The following GCA variants were observed in gnomAD, a reference collection of about 807,000 sequenced individuals.
The protein encoded by GCA is grancalcin, also known as grancalcin, EF-hand calcium-binding protein.
In GCA, 30 loss-of-function variants were observed where a neutral mutation model predicts 32.6. That is an observed-to-expected ratio of 0.92 (90% CI 0.69 to 1.25). The LOEUF is 1.25. Among genes scored for constraint, GCA ranks in the 50% most tolerant of loss-of-function variants. The pLI is 0.00. For missense variants in GCA, 291 were observed against 266.8 expected (o/e 1.09, Z -0.63); for synonymous variants, 102 against 84.6 (o/e 1.21, Z -1.13).
downstream of GCA, chr2:162,371,942 T>C: frequency 6.2e-7 from 1 of 1,613,966 alleles, no homozygotes; most frequent in East Asian, 2.2e-5. Flanking sequence ...ACGTAAGTTT[T>C]TCTTTGCCGC....
intron 4 of GCA, among the ~76,000 whole-genome samples, chr2:162,368,702 C>G (rs998335257): frequency 2.6e-5 from 4 of 152,032 alleles, no homozygotes; most frequent in African/African-American, 7.2e-5. Flanking sequence ...ACTTCCCATA[C>G]TTCCTGACTA....
chr2:162,333,161 A>T lies in GCA; in HGVS notation c.-31+13936A>T, dbSNP rs183343921. Among the ~76,000 whole-genome samples, 27 of 152,224 alleles carry T rather than the reference A, an allele frequency of 1.8e-4. 1 individual carries two copies. The highest frequency in any genetic ancestry group is 1.3e-3 in the Admixed American group (20 of 15,286). On this transcript the variant is annotated intron_variant, in intron 1 of 4. Transcript: ENST00000429691. ...TTTTCATAGAATCAAATGCTAAAAA[A>T]GTTGAGCAAGTTCTGGAACCTGTAT...
downstream of GCA, chr2:162,371,871 A>T (rs1685960093): frequency 6.2e-7 from 1 of 1,613,262 alleles, no homozygotes; most frequent in Non-Finnish European, 8.5e-7. Context: ...GCCTATGAAG[A>T]CCCACGATTC....
chr2:162,326,870 A>G (rs1274743277), intron 1 of GCA, among the ~76,000 whole-genome samples: 4 of 152,108 alleles, frequency 2.6e-5, no homozygotes, highest in African/African-American at 4.8e-5. Flanking sequence ...AGAGAAAGCA[A>G]GCGTCCTCCC....
At chr2:162,348,786 T>A (rs1684840461) in intron 2 of GCA, among the ~76,000 whole-genome samples, 1 of 152,094 alleles carries the variant, frequency 6.6e-6, no homozygotes, top group African/African-American at 2.4e-5. Context: ...TTATATATAT[T>A]TTTCATGTGA....
At chr2:162,356,378 A>G in intron 3 of GCA, 60 bp from the exon 4 acceptor site, 2 of 928,116 alleles carry the variant, frequency 2.2e-6, no homozygotes. Context: ...GGAGATTGTC[A>G]TAATTTTACA....
downstream of GCA, among the ~76,000 whole-genome samples, chr2:162,364,516 A>G (rs573498928): frequency 6.6e-6 from 1 of 151,610 alleles, no homozygotes; most frequent in South Asian, 2.1e-4. Context: ...GTAGATACCA[A>G]TACAATTTTT....
At chr2:162,348,860 T>C (rs1384380862) in intron 2 of GCA, among the ~76,000 whole-genome samples, 1 of 152,116 alleles carries the variant, frequency 6.6e-6, no homozygotes, top group African/African-American at 2.4e-5. Flanking sequence ...TTATTAGTTG[T>C]ATTTGACAGA....
Position 162,362,233 on chromosome 2 carries a change from T to TA in GCA, c.*1990_*1991insA. 1 of 984,590 alleles carries TA rather than the reference T, an allele frequency of 1.0e-6. No individual in the cohort carries two copies. Among genetic ancestry groups the TA allele is most frequent in the Non-Finnish European group, 1.2e-6 (1 of 829,456 alleles). The allele number at this position is 984,590 out of a possible 1,614,324, so 61.0% of individuals were successfully genotyped here. On this transcript the variant is annotated 3_prime_UTR_variant, in exon 8 of 8. Transcript: ENST00000437150. ...TTTAATTTTATTTGACCCAGTTTTT[T>TA]CCAAACTTTTTGACCACAGAACCCC...
chr2:162,339,851 A>G (rs1399928049), upstream of GCA, among the ~76,000 whole-genome samples: 1 of 152,210 alleles, frequency 6.6e-6, no homozygotes, highest in African/African-American at 2.4e-5. Context: ...TGTTTAAGCC[A>G]CACAGCCTAT....
At position 162,361,817 on chromosome 2, in the gene GCA, A is replaced by G. The variant is rs1685583241; in HGVS notation, c.*1574A>G. 1.0e-6 allele frequency: 1 copy of G among 984,358 alleles called. No homozygotes were observed. Among genetic ancestry groups the G allele is most frequent in the South Asian group, 4.7e-5 (1 of 21,282 alleles). 61.0% of individuals were successfully genotyped at this position (984,358 alleles called of 1,614,324 possible). A position where few individuals can be genotyped will look rare whatever the true frequency, so the allele number is the denominator to read the frequency against. ...GAATTCTAATTAGAAGTGTTGTAGG[A>G]AAAAGCAAATGTGAAAACACTAAGT... On this transcript the variant is annotated 3_prime_UTR_variant, in exon 8 of 8. Coordinates refer to ENST00000437150, the MANE Select transcript of GCA (RefSeq NM_012198.5).
At chr2:162,349,630 G>A (rs1230119548) in intron 2 of GCA, among the ~76,000 whole-genome samples, 1 of 150,768 alleles carries the variant, frequency 6.6e-6, no homozygotes, top group East Asian at 2.0e-4. Flanking sequence ...CTGGGGGCCA[G>A]AGAGGATTTG....
chr2:162,371,474 C>T (rs750349059), exon 5 of GCA: 5 of 1,251,642 alleles, frequency 4.0e-6, no homozygotes, highest in South Asian at 1.3e-5. Flanking sequence ...TTCTTATTTG[C>T]GTGGAAGGCA....
chr2:162,372,646 C>G (rs533250569), downstream of GCA, among the ~76,000 whole-genome samples: 3 of 152,076 alleles, frequency 2.0e-5, no homozygotes, highest in Non-Finnish European at 4.4e-5. Context: ...ATTACCTTCT[C>G]TTATTAGTGT....
At chr2:162,333,582 G>A (rs1238276538) in intron 1 of GCA, among the ~76,000 whole-genome samples, 1 of 152,088 alleles carries the variant, frequency 6.6e-6, no homozygotes, top group Non-Finnish European at 1.5e-5. Flanking sequence ...CTGAAAGGCA[G>A]TAAGAGTCTC....
chr2:162,328,098 T>A (rs936340775), intron 1 of GCA, among the ~76,000 whole-genome samples: 2 of 151,628 alleles, frequency 1.3e-5, no homozygotes, highest in Non-Finnish European at 2.9e-5. Context: ...TCCCTCAGCT[T>A]GCAAGGAGGT....
Position 162,359,559 on chromosome 2 carries a change from A to T in GCA, c.627+7A>T, listed in dbSNP as rs201922635. On this transcript the variant is annotated splice_region_variant and intron_variant, in intron 7 of 7. Coordinates refer to ENST00000437150, the MANE Select transcript of GCA (RefSeq NM_012198.5). ...GAATTTCATATATGACGATGTGAGT[A>T]TCCTGCTTTTGATATTTATACTGCA... 55 of 1,480,852 alleles carry T rather than the reference A, an allele frequency of 3.7e-5. 1 individual carries two copies. In the Admixed American group the frequency reaches 8.0e-4, roughly 22 times the overall value. 91.7% of individuals were successfully genotyped at this position (1,480,852 alleles called of 1,614,324 possible).
At chr2:162,326,020 A>T (rs1683863924) in intron 1 of GCA, among the ~76,000 whole-genome samples, 1 of 152,040 alleles carries the variant, frequency 6.6e-6, no homozygotes, top group Non-Finnish European at 1.5e-5. Flanking sequence ...CTGAAACTGG[A>T]TGGGGAGGTC....
At chr2:162,322,129 C>T (rs1009708307) in intron 1 of GCA, among the ~76,000 whole-genome samples, 3 of 149,770 alleles carry the variant, frequency 2.0e-5, no homozygotes, top group Non-Finnish European at 3.0e-5. Flanking sequence ...TTCACTAAAT[C>T]TTGATAATAA....
Sources: gnomAD v4.1 joint callset for allele counts (sites outside exome capture counted in the v4.1 genomes callset) on GRCh38, gnomAD v4.1.1 for gene constraint, MANE v1.5 for transcripts, NCBI Gene and HGNC (gene_info 2026-07-23, HGNC 2026-07-21) for gene names.